The following PPFIA2 variants were observed in gnomAD, a reference collection of about 807,000 sequenced individuals.
PPFIA2 encodes the protein PPFI scaffold protein A2.
In PPFIA2, 46 loss-of-function variants were observed where a neutral mutation model predicts 175.5. The ratio of observed to expected loss-of-function variants is 0.26; its 90% CI spans 0.21 to 0.34. PPFIA2 has a LOEUF of 0.34. Among genes scored for constraint, PPFIA2 ranks in the 10% least tolerant of loss-of-function variants. The probability of loss-of-function intolerance (pLI) is 1.00; values close to 1 mark genes in which losing one functional copy is unlikely to be tolerated. For synonymous variants in PPFIA2, 568 were observed against 511.4 expected (o/e 1.11, Z -1.49); for missense variants, 1,179 against 1,506.1 (o/e 0.78, Z 3.60).
chr12:81,415,877 C>A (rs1257768135), intron 7 of PPFIA2, among the ~76,000 whole-genome samples: 1 of 151,440 alleles, frequency 6.6e-6, no homozygotes, highest in Non-Finnish European at 1.5e-5. Flanking sequence ...CAACTTTGTA[C>A]TAACATCTCT....
chr12:81,744,469 G>A (rs1036400856), intron 3 of PPFIA2, among the ~76,000 whole-genome samples: 13 of 149,082 alleles, frequency 8.7e-5, no homozygotes, highest in African/African-American at 3.2e-4. Context: ...TGTTGCCCAG[G>A]CTAAGTGCAA....
chr12:81,655,896 T>C (rs1267412728), intron 4 of PPFIA2, among the ~76,000 whole-genome samples: 2 of 152,068 alleles, frequency 1.3e-5, no homozygotes, highest in East Asian at 3.8e-4. Context: ...TTTTCTATTC[T>C]CCTTTTGATT....
intron 22 of PPFIA2, among the ~76,000 whole-genome samples, chr12:81,300,681 A>G (rs1482419165): frequency 6.6e-6 from 1 of 152,166 alleles, no homozygotes; most frequent in Non-Finnish European, 1.5e-5. Context: ...TCGTGCTCTG[A>G]ATCTAAAAAA....
At chr12:81,420,207 C>T (rs1444089207) in intron 7 of PPFIA2, among the ~76,000 whole-genome samples, 2 of 152,000 alleles carry the variant, frequency 1.3e-5, no homozygotes, top group African/African-American at 4.8e-5. Context: ...GAAGCCAGTA[C>T]ATAAAGTTTA....
At chr12:81,622,700 GAGA>G (rs2062200351) in intron 4 of PPFIA2, among the ~76,000 whole-genome samples, 2 of 152,118 alleles carry the variant, frequency 1.3e-5, no homozygotes, top group South Asian at 2.1e-4. Flanking sequence ...GAAGTACTCA[GAGA>G]AGGTTTACAT....
chr12:81,526,984 A>G (rs531994547), intron 4 of PPFIA2, among the ~76,000 whole-genome samples: 1 of 152,298 alleles, frequency 6.6e-6, no homozygotes, highest in African/African-American at 2.4e-5. Flanking sequence ...CAGAACAAAT[A>G]GGGTCACATA....
chr12:81,556,639 T>C (rs1432549237), intron 4 of PPFIA2, among the ~76,000 whole-genome samples: 1 of 151,852 alleles, frequency 6.6e-6, no homozygotes, highest in African/African-American at 2.4e-5. Context: ...TTTTGATAGG[T>C]TATTATAGTT....
chr12:81,498,455 G>C (rs1394302551), intron 4 of PPFIA2, among the ~76,000 whole-genome samples: 1 of 152,040 alleles, frequency 6.6e-6, no homozygotes, highest in African/African-American at 2.4e-5. Context: ...CACATAATCT[G>C]TAAAATGTCC....
intron 4 of PPFIA2, among the ~76,000 whole-genome samples, chr12:81,520,032 T>C (rs770265672): frequency 2.6e-5 from 4 of 152,196 alleles, no homozygotes; most frequent in Admixed American, 1.3e-4. Context: ...TACTGCACTG[T>C]TTTCACACTT....
intron 8 of PPFIA2, among the ~76,000 whole-genome samples, chr12:81,391,561 G>T (rs771734417): frequency 6.6e-6 from 1 of 151,844 alleles, no homozygotes; most frequent in African/African-American, 2.4e-5. Context: ...TCACAAACCC[G>T]GTAATTCAGA....
intron 4 of PPFIA2, among the ~76,000 whole-genome samples, chr12:81,657,021 G>A (rs1467438132): frequency 1.3e-5 from 2 of 152,070 alleles, no homozygotes; most frequent in African/African-American, 4.8e-5. Flanking sequence ...TGCCTGTAGT[G>A]GTTATAATTA....
At chr12:81,594,176 C>T (rs1316722652) in intron 4 of PPFIA2, among the ~76,000 whole-genome samples, 5 of 152,030 alleles carry the variant, frequency 3.3e-5, no homozygotes, top group Non-Finnish European at 7.4e-5. Flanking sequence ...CCTTCCCGTC[C>T]CCCTCTCAAG....
chr12:81,267,737 T>G (rs1356016386), intron 29 of PPFIA2, among the ~76,000 whole-genome samples, 175 bp downstream of exon 29: 11 of 151,352 alleles, frequency 7.3e-5, no homozygotes, highest in South Asian at 2.1e-4. Flanking sequence ...GATTTTTTTT[T>G]TTTTTTTTTT....
chr12:81,558,650 T>G (rs960560192), intron 4 of PPFIA2, among the ~76,000 whole-genome samples: 1 of 152,044 alleles, frequency 6.6e-6, no homozygotes, highest in Non-Finnish European at 1.5e-5. Context: ...TCTCAAAGGA[T>G]TTGTTTAGGA....
intron 8 of PPFIA2, among the ~76,000 whole-genome samples, chr12:81,396,846 A>T (rs2041222175): frequency 6.6e-6 from 1 of 152,076 alleles, no homozygotes; most frequent in Admixed American, 6.6e-5. Flanking sequence ...GGTTCAAAAC[A>T]GAGTGATCAA....
chr12:81,305,134 T>A (rs1188116916), intron 22 of PPFIA2, among the ~76,000 whole-genome samples: 1 of 152,182 alleles, frequency 6.6e-6, no homozygotes, highest in African/African-American at 2.4e-5. Context: ...ATGTGTTTTT[T>A]GGCTATGTAC....
chr12:81,344,555 C>T, intron 19 of PPFIA2, 109 bp downstream of exon 19: 1 of 743,714 alleles, frequency 1.3e-6, no homozygotes, highest in Non-Finnish European at 2.1e-6. Context: ...TAAATACTCT[C>T]AACTTTTTAA....
chr12:81,710,006 G>A (rs2077685504), intron 3 of PPFIA2, among the ~76,000 whole-genome samples: 1 of 151,828 alleles, frequency 6.6e-6, no homozygotes, highest in Non-Finnish European at 1.5e-5. Flanking sequence ...CAATTCAATA[G>A]GGGATAATAT....
intron 4 of PPFIA2, among the ~76,000 whole-genome samples, chr12:81,501,911 A>C (rs2060636379): frequency 6.6e-6 from 1 of 152,158 alleles, no homozygotes; most frequent in African/African-American, 2.4e-5. Context: ...TAGAGCTAGG[A>C]GATATTAATG....
Sources: gnomAD v4.1 joint callset for allele counts (sites outside exome capture counted in the v4.1 genomes callset) on GRCh38, gnomAD v4.1.1 for gene constraint, MANE v1.5 for transcripts, NCBI Gene and HGNC (gene_info 2026-07-23, HGNC 2026-07-21) for gene names.